The following ADCK1 variants were observed in gnomAD, a reference collection of about 807,000 sequenced individuals.
ADCK1 encodes aarF domain-containing protein kinase 1.
In ADCK1, 41 loss-of-function variants were observed where a neutral mutation model predicts 52.3. That is an observed-to-expected ratio of 0.78 (90% confidence interval 0.61 to 1.02). The LOEUF (loss-of-function observed/expected upper bound fraction) is 1.02. Among genes scored for constraint, ADCK1 ranks in the 50% least tolerant of loss-of-function variants. The pLI is 0.00. For missense variants in ADCK1, 658 were observed against 679.5 expected, an observed-to-expected ratio of 0.97 and a Z score of 0.35; for synonymous variants, 250 against 274.6, an observed-to-expected ratio of 0.91 and a Z score of 0.89.
At chr14:77,922,595 A>G (rs1211917177) in intron 7 of ADCK1, among the ~76,000 whole-genome samples, 5 of 152,160 alleles carry the variant, frequency 3.3e-5, no homozygotes, top group Non-Finnish European at 7.3e-5. Flanking sequence ...TGATGGCATA[A>G]GGAACTTGTT....
intron 6 of ADCK1, among the ~76,000 whole-genome samples, chr14:77,902,168 A>G (rs2083562036): frequency 2.0e-5 from 3 of 152,204 alleles, no homozygotes; most frequent in African/African-American, 7.2e-5. Flanking sequence ...ATGACTGAAG[A>G]TGTGTCTATT....
intron 3 of ADCK1, among the ~76,000 whole-genome samples, chr14:77,848,828 ATTT>A (rs61390673): frequency 7.0e-6 from 1 of 142,344 alleles, no homozygotes. Flanking sequence ...CAGTGGTGTA[ATTT>A]TTTTTTTTTT....
intron 3 of ADCK1, among the ~76,000 whole-genome samples, chr14:77,839,983 C>G (rs4903655): frequency 0.85 from 126,783 of 149,160 alleles, 54,083 homozygotes; most frequent in Middle Eastern, 0.93. Context: ...CTGGGGTACT[C>G]GGGGCAGGGA....
Position 77,913,358 on chromosome 14 carries a change from C to T in ADCK1, c.858+5439C>T, listed in dbSNP as rs562881782. 3.3e-5 allele frequency among the ~76,000 whole-genome samples: 5 copies of T among 152,340 alleles called. No individual in the cohort carries two copies. The South Asian group carries it at 1.0e-3, about 32-fold the overall frequency. On this transcript the variant is annotated intron_variant, in intron 7 of 10. Coordinates refer to ENST00000238561, the MANE Select transcript of ADCK1 (RefSeq NM_020421.4). Reference sequence around the variant, plus strand: ...CCTCCAGGCCCGAGACAGCCCTGCCCAGGGGTGCCCACCTGCCAGCAAGCA... The same window carrying T: ...CCTCCAGGCCCGAGACAGCCCTGCCTAGGGGTGCCCACCTGCCAGCAAGCA...
At chr14:77,919,335 C>T (rs1022353733) in intron 7 of ADCK1, among the ~76,000 whole-genome samples, 5 of 152,140 alleles carry the variant, frequency 3.3e-5, no homozygotes, top group East Asian at 3.8e-4. Context: ...TGGAAACATA[C>T]GATACTTGTT....
intron 3 of ADCK1, among the ~76,000 whole-genome samples, chr14:77,857,092 G>C (rs559565127): frequency 1.3e-5 from 2 of 152,320 alleles, no homozygotes; most frequent in East Asian, 3.9e-4. Flanking sequence ...TGTGTCGGGA[G>C]GTGGGCGGAT....
In ADCK1 at chr14:77,933,625, A is replaced by G. The variant is rs770652890; in HGVS notation, c.*234A>G. ...CTCTTCTTCTCCAAGAAGACTCAGC[A>G]GCCTACATTCCCATTCCTGGTATGT... On this transcript the variant is annotated 3_prime_UTR_variant, in exon 11 of 11. Transcript: ENST00000238561. 1.9e-6 allele frequency: 1 copy of G among 521,030 alleles called. No individual in the cohort carries two copies. 32.3% of individuals were successfully genotyped at this position (521,030 alleles called of 1,614,324 possible). A position where few individuals can be genotyped will look rare whatever the true frequency, so the allele number is the denominator to read the frequency against.
chr14:77,882,338 C>T (rs1283290915), intron 4 of ADCK1, among the ~76,000 whole-genome samples: 3 of 152,180 alleles, frequency 2.0e-5, no homozygotes, highest in Non-Finnish European at 4.4e-5. Flanking sequence ...TTGGTTCTGC[C>T]CCAGGTGCCC....
At chr14:77,853,488 A>G (rs905639402) in intron 3 of ADCK1, among the ~76,000 whole-genome samples, 1 of 152,218 alleles carries the variant, frequency 6.6e-6, no homozygotes, top group Non-Finnish European at 1.5e-5. Flanking sequence ...GTTCTGGGAC[A>G]CAGTTAAGTT....
At chr14:77,806,124 T>A (rs10145179) in intron 1 of ADCK1, among the ~76,000 whole-genome samples, 4,438 of 151,306 alleles carry the variant, frequency 0.029, 213 homozygotes, top group African/African-American at 0.1. Flanking sequence ...ATGAGGTCTC[T>A]CTATGTTGCC....
intron 9 of ADCK1, among the ~76,000 whole-genome samples, chr14:77,930,845 G>A (rs2084312608): frequency 6.6e-6 from 1 of 152,170 alleles, no homozygotes. Context: ...TTATATTTAG[G>A]ATTTTGCTGG....
chr14:77,900,227 T>G (rs1355254539), intron 6 of ADCK1, among the ~76,000 whole-genome samples: 2 of 152,172 alleles, frequency 1.3e-5, no homozygotes, highest in Non-Finnish European at 2.9e-5. Flanking sequence ...TTGAGCCTGC[T>G]GTGGAAGTGG....
At chr14:77,894,733 C>CTTTTTTTTTTTTTTTTTTTT (rs1566710773) in intron 5 of ADCK1, among the ~76,000 whole-genome samples, 1 of 38,402 alleles carries the variant, frequency 2.6e-5, no homozygotes, top group Non-Finnish European at 6.0e-5. Context: ...CTTTTCTTTT[C>CTTTTTTTTTTTTTTTTTTTT]TTGTTTTTTT....
At chr14:77,807,065 G>GTTTTT (rs1322028621) in intron 1 of ADCK1, among the ~76,000 whole-genome samples, 1 of 52,316 alleles carries the variant, frequency 1.9e-5, no homozygotes, top group African/African-American at 9.5e-5. Context: ...TGGAGACAGA[G>GTTTTT]TCTTTTTTTT....
At chr14:77,838,315 A>T (rs1038034547) in intron 3 of ADCK1, among the ~76,000 whole-genome samples, 2 of 152,242 alleles carry the variant, frequency 1.3e-5, no homozygotes, top group African/African-American at 4.8e-5. Flanking sequence ...TGTGAAGCTA[A>T]TTTAAGGCAA....
chr14:77,800,662 A>G (rs2081090198), intron 1 of ADCK1, among the ~76,000 whole-genome samples: 1 of 152,230 alleles, frequency 6.6e-6, no homozygotes, highest in Admixed American at 6.5e-5. Context: ...ACCGCTGCTT[A>G]TCTCCAGCAT....
chr14:77,899,030 G>A (rs1424958601), intron 5 of ADCK1, 70 bp from the exon 6 acceptor site: 16 of 1,589,596 alleles, frequency 1.0e-5, no homozygotes, highest in East Asian at 2.2e-5. Flanking sequence ...GGAGAACCAG[G>A]CAGGAAGGTA....
intron 6 of ADCK1, among the ~76,000 whole-genome samples, chr14:77,901,512 C>A (rs1052053471): frequency 2.6e-5 from 4 of 152,066 alleles, no homozygotes; most frequent in Non-Finnish European, 4.4e-5. Flanking sequence ...GCCTCAGCCT[C>A]CTGAGTAGCT....
intron 3 of ADCK1, among the ~76,000 whole-genome samples, chr14:77,842,060 C>T (rs1432088886): frequency 6.6e-6 from 1 of 152,040 alleles, no homozygotes. Context: ...CATTGTACCC[C>T]AGCCTGGGCG....
Sources: allele counts gnomAD v4.1 joint callset (sites outside exome capture counted in the v4.1 genomes callset), GRCh38; gene constraint gnomAD v4.1.1; transcripts MANE v1.5; gene names NCBI Gene and HGNC (gene_info 2026-07-23, HGNC 2026-07-21).